The following POLK variants were observed in gnomAD, a reference collection of about 807,000 sequenced individuals.
POLK encodes the protein polymerase (DNA directed) kappa.
POLK carries 76 observed loss-of-function variants against 94.0 expected under a neutral mutation model. The ratio of observed to expected loss-of-function variants is 0.81; its 90% CI spans 0.67 to 0.98. The LOEUF (loss-of-function observed/expected upper bound fraction) is 0.98, where lower values mean the gene tolerates loss of function less well. Ranked by LOEUF, POLK falls within the 50% of genes least tolerant of loss-of-function variation. The pLI is 0.00. For synonymous variants in POLK, 349 were observed against 325.4 expected (o/e 1.07, Z -0.78); for missense variants, 954 against 1,010.1 (o/e 0.94, Z 0.75).
At chr5:75,522,479 G>A (rs1165126083) in intron 1 of POLK, among the ~76,000 whole-genome samples, 3 of 152,098 alleles carry the variant, frequency 2.0e-5, no homozygotes, top group Non-Finnish European at 4.4e-5. Flanking sequence ...ACCCAAAACC[G>A]GTTTCAGAAC....
intron 1 of POLK, among the ~76,000 whole-genome samples, chr5:75,541,233 G>A (rs754165231): frequency 2.0e-5 from 3 of 152,012 alleles, no homozygotes; most frequent in African/African-American, 7.2e-5. Context: ...GGAGGTTGCC[G>A]TGAGCCGATA....
chr5:75,558,799 T>C (rs549934081), intron 3 of POLK, among the ~76,000 whole-genome samples: 61 of 152,324 alleles, frequency 4.0e-4, no homozygotes, highest in African/African-American at 1.4e-3. Flanking sequence ...TCTGGACATT[T>C]TCATTTTATT....
chr5:75,573,751 A>G lies in POLK; in HGVS notation c.422A>G (p.Tyr141Cys), dbSNP rs1045228559. The change falls in exon 5 of 15, where the codon TAC becomes TGC. Residue 141 changes from tyrosine (Y) to cysteine (C), a missense_variant. Transcript: ENST00000241436. ...ATTTTCTTTCAGTCTACTTCAAATT[A>G]CCATGCAAGGAGATTTGGTGTTCGT... 1.9e-6 allele frequency: 3 copies of G among 1,612,874 alleles called. No homozygotes were observed. The African/African-American group carries it at 4.0e-5, about 22-fold the overall frequency.
intron 1 of POLK, among the ~76,000 whole-genome samples, chr5:75,516,901 A>G (rs185860911): frequency 7.9e-5 from 12 of 152,328 alleles, no homozygotes; most frequent in Admixed American, 7.8e-4. Context: ...TGAAGAGACT[A>G]TCCTTTTACC....
chr5:75,605,911 C>T (rs963731960), downstream of POLK, among the ~76,000 whole-genome samples: 3 of 150,072 alleles, frequency 2.0e-5, no homozygotes, highest in Admixed American at 1.3e-4. Context: ...GAAAAAGACA[C>T]AGAGACAAAG....
At chr5:75,524,850 G>A (rs1768756186) in intron 1 of POLK, among the ~76,000 whole-genome samples, 1 of 152,160 alleles carries the variant, frequency 6.6e-6, no homozygotes. Context: ...AGTAGGGAAG[G>A]CACCCAAGAA....
At chr5:75,564,757 G>A (rs976582817) in intron 3 of POLK, among the ~76,000 whole-genome samples, 2 of 152,184 alleles carry the variant, frequency 1.3e-5, no homozygotes, top group Non-Finnish European at 2.9e-5. Context: ...GAGATCTGCC[G>A]TTATTCTGAT....
Position 75,596,596 on chromosome 5 carries a change from AGT to A in POLK, c.1904_1905del (p.Ser635ThrfsTer6). ...TTGCTTTAGGGCTCAAGGGTGCATC[AGT>A]CTGGAAGCCTTGAATAAACATGTAG... On this transcript the variant is annotated frameshift_variant, in exon 13 of 15. Transcript: ENST00000241436. LOFTEE classifies it high-confidence loss of function. 1 of 1,613,972 alleles carries A rather than the reference AGT, an allele frequency of 6.2e-7. No homozygotes were observed.
chr5:75,560,153 C>T, intron 3 of POLK, among the ~76,000 whole-genome samples: 1 of 152,176 alleles, frequency 6.6e-6, no homozygotes, highest in South Asian at 2.1e-4. Context: ...GGGCAAATTA[C>T]TTACTCTTAC....
At chr5:75,597,769 G>A in exon 14 of POLK, 2 of 1,527,014 alleles carry the variant, frequency 1.3e-6, no homozygotes, top group South Asian at 1.3e-5. Context: ...GAGTACAGAA[G>A]GCTGTAACAA....
chr5:75,587,064 G>C lies in POLK; in HGVS notation c.1259+6G>C. The C allele has an allele frequency of 6.8e-7, 1 of 1,462,910 alleles. No individual in the cohort carries two copies. The highest frequency in any genetic ancestry group is 1.8e-4 in the Middle Eastern group (1 of 5,702). 90.6% of individuals were successfully genotyped at this position (1,462,910 alleles called of 1,614,324 possible). A position where few individuals can be genotyped will look rare whatever the true frequency, so the allele number is the denominator to read the frequency against. On this transcript the variant is annotated splice_donor_region_variant and intron_variant, in intron 10 of 14. Transcript: ENST00000241436. ...AAAAGTATGAGCGTTGAGAGGTAAT[G>C]TTTTATTATTTATTGTTAATTGTGC...
intron 1 of POLK, among the ~76,000 whole-genome samples, chr5:75,542,046 A>C (rs1438450206): frequency 6.6e-6 from 1 of 152,210 alleles, no homozygotes; most frequent in Non-Finnish European, 1.5e-5. Flanking sequence ...TCCCTAATTC[A>C]ATTCATTGTA....
intron 1 of POLK, among the ~76,000 whole-genome samples, chr5:75,520,360 A>G (rs3094244): frequency 0.99 from 151,540 of 152,340 alleles, 75,391 homozygotes; most frequent in Middle Eastern, 1. Flanking sequence ...TCCTGGGTTT[A>G]TCTATGTACT....
At chr5:75,526,022 T>C (rs938614373) in intron 1 of POLK, among the ~76,000 whole-genome samples, 3 of 152,214 alleles carry the variant, frequency 2.0e-5, no homozygotes, top group African/African-American at 7.2e-5. Flanking sequence ...AGAGGATGCT[T>C]CTTAAGCACT....
chr5:75,543,255 G>T (rs1769845422), intron 1 of POLK, among the ~76,000 whole-genome samples: 1 of 149,164 alleles, frequency 6.7e-6, no homozygotes, highest in Non-Finnish European at 1.5e-5. Context: ...GGCCAGGTTG[G>T]TCTCAAACTC....
intron 10 of POLK, among the ~76,000 whole-genome samples, chr5:75,588,321 C>T (rs969600486): frequency 1.3e-5 from 2 of 152,074 alleles, no homozygotes; most frequent in Non-Finnish European, 2.9e-5. Context: ...TAACTAACTT[C>T]TCTAATATAG....
chr5:75,598,120 G>A, exon 15 of POLK: 3 of 513,240 alleles, frequency 5.8e-6, no homozygotes, highest in East Asian at 3.5e-5. Flanking sequence ...TTTAGTGAAG[G>A]CAAGTGCAAT....
intron 1 of POLK, among the ~76,000 whole-genome samples, chr5:75,519,722 T>C (rs1403224987): frequency 6.6e-6 from 1 of 152,204 alleles, no homozygotes; most frequent in Non-Finnish European, 1.5e-5. Flanking sequence ...TCCCCTTGCA[T>C]GGAATACCTT....
chr5:75,573,255 T>G (rs1771690757), intron 4 of POLK, among the ~76,000 whole-genome samples: 1 of 152,014 alleles, frequency 6.6e-6, no homozygotes, highest in African/African-American at 2.4e-5. Flanking sequence ...CAGCAAACTA[T>G]TGCAAGGACA....
Sources: allele counts gnomAD v4.1 joint callset (sites outside exome capture counted in the v4.1 genomes callset), GRCh38; gene constraint gnomAD v4.1.1; transcripts MANE v1.5; gene names NCBI Gene and HGNC (gene_info 2026-07-23, HGNC 2026-07-21).